ZRANB3: variants seen among roughly 807,000 people sequenced by gnomAD.
ZRANB3 encodes the protein DNA annealing helicase and endonuclease ZRANB3.
Under a neutral mutation model 133.8 loss-of-function variants are expected in ZRANB3, and 125 were observed. The observed-to-expected ratio is 0.93, with a 90% CI of 0.81 to 1.08. The LOEUF is 1.08. ZRANB3 is among the 50% of genes least tolerant of loss of function. The pLI is 0.00. For synonymous variants in ZRANB3, 387 were observed against 432.7 expected, an observed-to-expected ratio of 0.89 and a Z score of 1.31; for missense variants, 1,229 against 1,275.5, an observed-to-expected ratio of 0.96 and a Z score of 0.56.
intron 1 of ZRANB3, among the ~76,000 whole-genome samples, chr2:135,527,001 T>G (rs1308205590): frequency 6.6e-6 from 1 of 152,198 alleles, no homozygotes; most frequent in Non-Finnish European, 1.5e-5. Flanking sequence ...TGTCCCGCCT[T>G]TCTAAACCAA....
rs138147250 is a variant in ZRANB3, at chr2:135,403,027, C to T, written c.162-12207G>A. On this transcript the variant is annotated intron_variant, in intron 2 of 20. Transcript: ENST00000264159. ...TCCAATCTACAGCTCCCAGTGTGGG[C>T]GACGCAGAAGACGGGTGATTTCTGC... Among the ~76,000 whole-genome samples the T allele has an allele frequency of 3.0e-3, 457 of 152,222 alleles. 5 individuals are homozygous for T. Among genetic ancestry groups the T allele is most frequent in the African/African-American group, 0.01 (436 of 41,530 alleles).
intron 3 of ZRANB3, among the ~76,000 whole-genome samples, chr2:135,370,873 T>C (rs1201592423): frequency 1.3e-5 from 2 of 152,170 alleles, no homozygotes; most frequent in Non-Finnish European, 2.9e-5. Context: ...CCTCATGCTG[T>C]TCGCATGATA....
At chr2:135,388,799 G>A (rs6758588) in intron 3 of ZRANB3, among the ~76,000 whole-genome samples, 15,837 of 152,026 alleles carry the variant, frequency 0.1, 1,094 homozygotes, top group South Asian at 0.32. Context: ...GTTTTAGGCC[G>A]GGCACGATGG....
At chr2:135,310,813 C>T (rs1682931987) in intron 8 of ZRANB3, among the ~76,000 whole-genome samples, 1 of 151,762 alleles carries the variant, frequency 6.6e-6, no homozygotes, top group African/African-American at 2.4e-5. Context: ...CTTATGAGAC[C>T]AGTGTTGTAT....
chr2:135,455,787 G>A (rs1690491500), intron 2 of ZRANB3, among the ~76,000 whole-genome samples: 1 of 150,220 alleles, frequency 6.7e-6, no homozygotes, highest in Non-Finnish European at 1.5e-5. Context: ...GTAGAGACGG[G>A]GTTTCACCGT....
chr2:135,226,906 C>A (rs1414806011), intron 14 of ZRANB3, among the ~76,000 whole-genome samples: 1 of 152,150 alleles, frequency 6.6e-6, no homozygotes, highest in East Asian at 1.9e-4. Context: ...CAGATCCATT[C>A]CAAGACATGC....
intron 2 of ZRANB3, among the ~76,000 whole-genome samples, chr2:135,476,595 C>G (rs539382314): frequency 6.4e-4 from 97 of 151,752 alleles, no homozygotes; most frequent in African/African-American, 2.2e-3. Context: ...TGTACATTTT[C>G]TTAATGGTAC....
intron 2 of ZRANB3, among the ~76,000 whole-genome samples, chr2:135,423,054 T>C (rs956993073): frequency 1.3e-5 from 2 of 152,236 alleles, no homozygotes; most frequent in African/African-American, 4.8e-5. Flanking sequence ...CTGGAATCCT[T>C]GGTGTTCCTT....
At chr2:135,385,937 G>C (rs1006840101) in intron 3 of ZRANB3, among the ~76,000 whole-genome samples, 9 of 152,106 alleles carry the variant, frequency 5.9e-5, no homozygotes, top group Admixed American at 5.9e-4. Context: ...CATGGGCAAG[G>C]ACTTCATGAC....
At chr2:135,485,731 G>C (rs905953384) in intron 2 of ZRANB3, among the ~76,000 whole-genome samples, 1 of 152,182 alleles carries the variant, frequency 6.6e-6, no homozygotes, top group African/African-American at 2.4e-5. Context: ...GTATATTAAA[G>C]CTCTGTTTAC....
rs778702820 is a variant in ZRANB3, at chr2:135,268,967, G to A, written c.1381C>T (p.Arg461Cys). 13 of 1,600,614 alleles carry A rather than the reference G, an allele frequency of 8.1e-6. No homozygotes were observed. Among genetic ancestry groups the A allele is most frequent in the African/African-American group, 6.7e-5 (5 of 74,274 alleles). Residue 461 changes from arginine (R) to cysteine (C), a missense_variant, in exon 11 of 21, where the codon CGC (arginine) becomes TGC (cysteine). Transcript: ENST00000264159. The part of the protein sequence containing the change: ...LDTLMWGMLN[R>C]KAQVTGSTLN... ...GATTTAAATTCAAGCTTTACCTTGC[G>A]ATTCAACATTCCCCACATAAGGGTG... is the stretch of plus-strand genomic sequence containing the variant.
At chr2:135,413,172 T>A (rs1277118949) in intron 2 of ZRANB3, among the ~76,000 whole-genome samples, 1 of 152,202 alleles carries the variant, frequency 6.6e-6, no homozygotes, top group East Asian at 1.9e-4. Flanking sequence ...TTCGGATATA[T>A]CCTTCCACGT....
rs573323437 is a variant in ZRANB3, at chr2:135,297,653, C to T, written c.966+15836G>A. 2.6e-5 allele frequency among the ~76,000 whole-genome samples: 4 copies of T among 152,322 alleles called. No homozygotes were observed. The East Asian group carries it at 5.8e-4, about 22-fold the overall frequency. ...CTCAGTTGGAAATGCAGAAATCACC[C>T]GTCGTCTGCATCGCTCACGCTGGGA... is the stretch of plus-strand genomic sequence containing the variant. On this transcript the variant is annotated intron_variant, in intron 8 of 20. Transcript: ENST00000264159.
At chr2:135,226,953 G>A (rs1479606035) in intron 14 of ZRANB3, among the ~76,000 whole-genome samples, 1 of 152,228 alleles carries the variant, frequency 6.6e-6, no homozygotes. Flanking sequence ...GGAAGGCTGA[G>A]AGAAGAAGAA....
chr2:135,326,375 C>T (rs1683824696), intron 6 of ZRANB3, among the ~76,000 whole-genome samples: 1 of 152,004 alleles, frequency 6.6e-6, no homozygotes, highest in South Asian at 2.1e-4. Flanking sequence ...ATTTTTAATG[C>T]AATCAAGGGA....
chr2:135,367,227 T>C (rs1340953845), intron 3 of ZRANB3, among the ~76,000 whole-genome samples: 2 of 152,166 alleles, frequency 1.3e-5, no homozygotes, highest in African/African-American at 4.8e-5. Context: ...CTTGGACCTG[T>C]ATGGTAAGAA....
At chr2:135,478,328 A>T (rs567502864) in intron 2 of ZRANB3, among the ~76,000 whole-genome samples, 2 of 152,262 alleles carry the variant, frequency 1.3e-5, no homozygotes, top group East Asian at 3.9e-4. Flanking sequence ...AAATTTTCAT[A>T]AAAAGAGCAT....
chr2:135,408,718 C>T (rs13402551), intron 2 of ZRANB3, among the ~76,000 whole-genome samples: 4,830 of 151,904 alleles, frequency 0.032, 247 homozygotes, highest in African/African-American at 0.11. Flanking sequence ...AGCAAACTAT[C>T]GCAAGGACAA....
At chr2:135,231,931 T>A (rs1035682093) in intron 12 of ZRANB3, among the ~76,000 whole-genome samples, 1 of 152,206 alleles carries the variant, frequency 6.6e-6, no homozygotes, top group South Asian at 2.1e-4. Flanking sequence ...CTGGGGAGTG[T>A]CAGACAGTGG....
Sources: gnomAD v4.1 joint callset for allele counts (sites outside exome capture counted in the v4.1 genomes callset) on GRCh38, gnomAD v4.1.1 for gene constraint, MANE v1.5 for transcripts, NCBI Gene and HGNC (gene_info 2026-07-23, HGNC 2026-07-21) for gene names.